TENT4B: variants seen among roughly 807,000 people sequenced by gnomAD.
TENT4B encodes the protein terminal nucleotidyltransferase 4B.
A neutral mutation model predicts 75.0 loss-of-function variants in TENT4B; 10 were observed. The ratio of observed to expected loss-of-function variants is 0.13; its 90% CI spans 0.08 to 0.23. The LOEUF is 0.23. Among genes scored for constraint, TENT4B ranks in the 10% least tolerant of loss-of-function variants. TENT4B has a pLI of 1.00. For missense variants in TENT4B, 579 were observed against 893.8 expected (o/e 0.65, Z 4.49); for synonymous variants, 350 against 357.7 (o/e 0.98, Z 0.24).
chr16:50,194,912 C>A (rs1213785963), intron 1 of TENT4B, among the ~76,000 whole-genome samples: 1 of 151,966 alleles, frequency 6.6e-6, no homozygotes, highest in African/African-American at 2.4e-5. Flanking sequence ...CCATGCCCGG[C>A]TAATTTTTTG....
Position 50,153,760 on chromosome 16 carries a change from G to A in TENT4B, c.139G>A (p.Gly47Ser). 1.9e-6 allele frequency: 2 copies of A among 1,071,264 alleles called. No individual in the cohort carries two copies. Among genetic ancestry groups the A allele is most frequent in the Non-Finnish European group, 1.1e-6 (1 of 885,734 alleles). The allele number at this position is 1,071,264 out of a possible 1,614,324, so 66.4% of individuals were successfully genotyped here. A position where few individuals can be genotyped will look rare whatever the true frequency, so the allele number is the denominator to read the frequency against. The change falls in exon 1 of 12, where the codon GGC (glycine) becomes AGC (serine). Residue 47 changes from glycine to serine, a missense_variant. By Grantham distance (56) the Gly-to-Ser change is moderately conservative (BLOSUM62 0). Coordinates refer to ENST00000561678, the MANE Select transcript of TENT4B (RefSeq NM_001365324.3). ...CTGTCACAGCAGCGGCGGCGCGAGC[G>A]GCGGCGGCGGCAGCAGCAGCAGCAG... ...HHCHSSGGAS[G>S]GGGSSSSSST...
chr16:50,157,039 C>T (rs966020316), intron 1 of TENT4B, among the ~76,000 whole-genome samples: 3 of 152,218 alleles, frequency 2.0e-5, no homozygotes, highest in South Asian at 2.1e-4. Flanking sequence ...GAGTGCACCT[C>T]GATGTTATGC....
At position 50,153,860 on chromosome 16, in the gene TENT4B, C is replaced by G. The variant is rs1484781332; in HGVS notation, c.239C>G (p.Pro80Arg). The G allele has an allele frequency of 3.5e-6, 5 of 1,413,632 alleles. No individual in the cohort carries two copies. The South Asian group carries it at 4.4e-5, about 13-fold the overall frequency. 87.6% of individuals were successfully genotyped at this position (1,413,632 alleles called of 1,614,324 possible). A position where few individuals can be genotyped will look rare whatever the true frequency, so the allele number is the denominator to read the frequency against. ...GCGGCCTCGGCCCCGGCCCCGGCCCCGGCCGGCATGTATCGCTCCGGGGAG... is the reference window on the plus strand; with the variant it reads ...GCGGCCTCGGCCCCGGCCCCGGCCCGGGCCGGCATGTATCGCTCCGGGGAG... ...GGAASAPAPA[P>R]AGMYRSGERL... The change falls in exon 1 of 12, where the codon CCG becomes CGG. Residue 80 changes from proline to arginine, a missense_variant. This residue lies in a region of TENT4B where 253 missense variants were observed against 270.1 expected (regional missense o/e 0.94). Coordinates refer to ENST00000561678, the MANE Select transcript of TENT4B (RefSeq NM_001365324.3).
chr16:50,197,131 A>C (rs1320616215), intron 1 of TENT4B, among the ~76,000 whole-genome samples: 1 of 152,010 alleles, frequency 6.6e-6, no homozygotes, highest in East Asian at 1.9e-4. Context: ...AAAACAAAAA[A>C]AAAACAGAGT....
At chr16:50,216,040 C>T (rs1350199126) in intron 3 of TENT4B, 35 bp from the exon 4 acceptor site, 1 of 1,611,462 alleles carries the variant, frequency 6.2e-7, no homozygotes, top group East Asian at 2.2e-5. Context: ...TTTCCAACTT[C>T]TTCCGACCCT....
chr16:50,180,589 G>T, intron 1 of TENT4B, among the ~76,000 whole-genome samples: 1 of 152,050 alleles, frequency 6.6e-6, no homozygotes, highest in Non-Finnish European at 1.5e-5. Flanking sequence ...TGTGCCTGTG[G>T]TCCCAGCTAC....
chr16:50,225,258 T>C lies in TENT4B; in HGVS notation c.1773T>C (p.Ser591=), dbSNP rs772805896. Residue 591 remains serine, a synonymous_variant, in exon 10 of 12, where the codon TCT becomes TCC. Transcript: ENST00000561678. ...CATCAGGTCCAGTGTCGTCCTCTTC[T>C]GCCACACAGTCCAGCTCTAGTGATG... ...NSSSGPVSSS[S]ATQSSSSDVD... is the part of the protein sequence containing the mutation. 6 of 1,613,916 alleles carry C rather than the reference T, an allele frequency of 3.7e-6. No individual in the cohort carries two copies. Among genetic ancestry groups the C allele is most frequent in the Non-Finnish European group, 5.1e-6 (6 of 1,179,808 alleles).
chr16:50,184,967 A>G (rs2038497665), intron 1 of TENT4B, among the ~76,000 whole-genome samples: 1 of 152,182 alleles, frequency 6.6e-6, no homozygotes, highest in African/African-American at 2.4e-5. Flanking sequence ...GTGTTCTCAC[A>G]TTCCCTGTAC....
At chr16:50,199,955 G>A (rs1489272020) in intron 1 of TENT4B, among the ~76,000 whole-genome samples, 3 of 152,150 alleles carry the variant, frequency 2.0e-5, no homozygotes, top group East Asian at 3.8e-4. Context: ...TATGAATAAG[G>A]CTGCTGTAAA....
At chr16:50,182,893 T>TTTTTTTTTG in intron 1 of TENT4B, among the ~76,000 whole-genome samples, 1 of 96,432 alleles carries the variant, frequency 1.0e-5, no homozygotes, top group East Asian at 2.7e-4. Context: ...TATTTTACCT[T>TTTTTTTTTG]TTTTTTTTTT....
At chr16:50,170,537 G>A (rs1291283472) in intron 1 of TENT4B, among the ~76,000 whole-genome samples, 1 of 152,212 alleles carries the variant, frequency 6.6e-6, no homozygotes, top group African/African-American at 2.4e-5. Flanking sequence ...ATGGCAGTAT[G>A]GCCCCTGTAA....
At position 50,231,605 on chromosome 16, in the gene TENT4B, T is replaced by TA; in HGVS notation, c.*2278dup. The stretch of plus-strand genomic sequence containing the variant: ...ATAATTCTGATTCCATTGGGAATCT[T>TA]AGGTTTTCGTAAATTTATTGGGAAA... On this transcript the variant is annotated 3_prime_UTR_variant, in exon 12 of 12. Transcript: ENST00000561678. 1 of 985,836 alleles carries TA rather than the reference T, an allele frequency of 1.0e-6. No individual in the cohort carries two copies. Among genetic ancestry groups the TA allele is most frequent in the Non-Finnish European group, 1.2e-6 (1 of 829,902 alleles). The allele number at this position is 985,836 out of a possible 1,614,324, so 61.1% of individuals were successfully genotyped here.
At chr16:50,217,940 ATTTT>A (rs758049566) in intron 5 of TENT4B, among the ~76,000 whole-genome samples, 4 of 131,624 alleles carry the variant, frequency 3.0e-5, no homozygotes, top group African/African-American at 1.1e-4. Context: ...TATTTTTTGT[ATTTT>A]TTTTTTTTTT....
In TENT4B at chr16:50,234,500, C is replaced by T. The variant is rs2032388962; in HGVS notation, c.*5172C>T. ...TTTGGGTTCTGTGCTATTCATAGTT[C>T]TTCCCTAAGACCATTTCATTATTAC... is the stretch of plus-strand genomic sequence containing the variant. On this transcript the variant is annotated 3_prime_UTR_variant, in exon 12 of 12. Coordinates refer to ENST00000561678, the MANE Select transcript of TENT4B (RefSeq NM_001365324.3). The T allele has an allele frequency of 1.0e-6, 1 of 984,330 alleles. No homozygotes were observed. The highest frequency in any genetic ancestry group is 1.2e-6 in the Non-Finnish European group (1 of 829,064). The allele number at this position is 984,330 out of a possible 1,614,324, so 61.0% of individuals were successfully genotyped here. A position where few individuals can be genotyped will look rare whatever the true frequency, so the allele number is the denominator to read the frequency against.
intron 1 of TENT4B, among the ~76,000 whole-genome samples, chr16:50,183,615 C>T (rs1336498616): frequency 6.7e-6 from 1 of 148,272 alleles, no homozygotes; most frequent in African/African-American, 2.5e-5. Flanking sequence ...TAATAGTGTA[C>T]TTGGCACCAT....
At chr16:50,169,387 GTTTTTTTTTTTTTT>G (rs552275205) in intron 1 of TENT4B, among the ~76,000 whole-genome samples, 5 of 65,780 alleles carry the variant, frequency 7.6e-5, no homozygotes, top group Admixed American at 2.4e-4. Context: ...GATTTTGTGG[GTTTTTTTTTTTTTT>G]TTTTTTTTTT....
chr16:50,187,643 T>A, intron 1 of TENT4B, among the ~76,000 whole-genome samples: 1 of 152,140 alleles, frequency 6.6e-6, no homozygotes. Flanking sequence ...AGTTTTCCCA[T>A]CACTATTTGT....
rs2038074579 is a variant in TENT4B, at chr16:50,165,119, AT to A, written c.638+10865del. Among the ~76,000 whole-genome samples, 3 of 151,578 alleles carry A rather than the reference AT, an allele frequency of 2.0e-5. No individual in the cohort carries two copies. In the South Asian group the frequency reaches 6.2e-4, roughly 32 times the overall value. ...TTCATTTCAAATATATTTCTATACCATTTTTAATATCTCATTGCCTTTAGAA... is the reference window on the plus strand; with the variant it reads ...TTCATTTCAAATATATTTCTATACCATTTTAATATCTCATTGCCTTTAGAA... On this transcript the variant is annotated intron_variant, in intron 1 of 11. Transcript: ENST00000561678.
intron 4 of TENT4B, among the ~76,000 whole-genome samples, chr16:50,216,810 C>T (rs1013260623): frequency 3.5e-5 from 5 of 142,616 alleles, no homozygotes; most frequent in African/African-American, 8.7e-5. Context: ...CACCCTACCA[C>T]GCCCTGCTTA....
Sources: gnomAD v4.1 joint callset for allele counts (sites outside exome capture counted in the v4.1 genomes callset) on GRCh38, gnomAD v4.1.1 for gene constraint, gnomAD v4.1.1 regional missense constraint, MANE v1.5 for transcripts, NCBI Gene and HGNC (gene_info 2026-07-23, HGNC 2026-07-21) for gene names.